Variants in PALM2AKAP2 observed in about 807,000 individuals in gnomAD.
PALM2AKAP2 encodes the protein PALM2 and AKAP2 fusion, also known as PALM2-AKAP2 fusion protein.
A neutral mutation model predicts 71.5 loss-of-function variants in PALM2AKAP2; 37 were observed. That is an observed-to-expected ratio of 0.52 (90% confidence interval 0.40 to 0.68). The LOEUF is 0.68. Ranked by LOEUF, PALM2AKAP2 falls within the 30% of genes least tolerant of loss-of-function variation. The pLI, the probability that PALM2AKAP2 is intolerant of heterozygous loss-of-function variation, is 0.00. For synonymous variants in PALM2AKAP2, 468 were observed against 478.8 expected, an observed-to-expected ratio of 0.98 and a Z score of 0.29; for missense variants, 1,224 against 1,191.8, an observed-to-expected ratio of 1.03 and a Z score of -0.40.
chr9:109,648,274 TA>T (rs1827179887), intron 1 of PALM2AKAP2, among the ~76,000 whole-genome samples: 1 of 152,210 alleles, frequency 6.6e-6, no homozygotes, highest in Non-Finnish European at 1.5e-5. Flanking sequence ...ATCTTTATAA[TA>T]GTGTGAAAAT....
chr9:109,929,780 C>T (rs1227741803), intron 5 of PALM2AKAP2, among the ~76,000 whole-genome samples: 1 of 143,904 alleles, frequency 6.9e-6, no homozygotes, highest in African/African-American at 2.6e-5. Flanking sequence ...AGGAGAATGG[C>T]GTGAACCTGG....
chr9:109,646,306 A>G (rs915417158), intron 1 of PALM2AKAP2, among the ~76,000 whole-genome samples: 1 of 152,214 alleles, frequency 6.6e-6, no homozygotes, highest in Admixed American at 6.5e-5. Flanking sequence ...TTGATGCCAC[A>G]CCTATAGATT....
intron 1 of PALM2AKAP2, among the ~76,000 whole-genome samples, chr9:109,738,194 T>C (rs527557045): frequency 6.6e-6 from 1 of 152,372 alleles, no homozygotes; most frequent in East Asian, 1.9e-4. Context: ...GAATTACTAT[T>C]CCTCTATTAA....
At chr9:109,644,320 ATC>A (rs1827116290) in intron 1 of PALM2AKAP2, among the ~76,000 whole-genome samples, 1 of 152,046 alleles carries the variant, frequency 6.6e-6, no homozygotes, top group African/African-American at 2.4e-5. Context: ...CCCAGATTTC[ATC>A]TCCGGTAGAA....
intron 1 of PALM2AKAP2, among the ~76,000 whole-genome samples, chr9:109,691,849 T>A: frequency 3.2e-5 from 1 of 31,596 alleles, no homozygotes; most frequent in Non-Finnish European, 7.0e-5. Context: ...TATATATATA[T>A]ATATATATAT....
chr9:109,691,867 T>TATATATAC (rs1320319516), intron 1 of PALM2AKAP2, among the ~76,000 whole-genome samples: 2 of 51,490 alleles, frequency 3.9e-5, no homozygotes, highest in Non-Finnish European at 3.4e-5. Context: ...TATATATATA[T>TATATATAC]ACACACACAC....
At chr9:110,162,784 C>G (rs1836634536) in intron 3 of PALM2AKAP2, among the ~76,000 whole-genome samples, 1 of 152,196 alleles carries the variant, frequency 6.6e-6, no homozygotes, top group Non-Finnish European at 1.5e-5. Context: ...CTCACTGTAG[C>G]CTTAACCTCC....
chr9:109,920,309 A>G (rs960938480), intron 3 of PALM2AKAP2, among the ~76,000 whole-genome samples: 1 of 152,174 alleles, frequency 6.6e-6, no homozygotes, highest in African/African-American at 2.4e-5. Context: ...GGCTTGGGGA[A>G]GCATGTACTC....
At chr9:109,766,443 T>C (rs1829156140) in intron 1 of PALM2AKAP2, among the ~76,000 whole-genome samples, 1 of 152,222 alleles carries the variant, frequency 6.6e-6, no homozygotes, top group Non-Finnish European at 1.5e-5. Flanking sequence ...CTATTAATTC[T>C]CAAAGGTTGG....
At chr9:109,802,866 G>C (rs965730924) in intron 1 of PALM2AKAP2, among the ~76,000 whole-genome samples, 14 of 152,084 alleles carry the variant, frequency 9.2e-5, no homozygotes, top group African/African-American at 3.4e-4. Context: ...CTGCCACATA[G>C]ATTGTTCATG....
intron 1 of PALM2AKAP2, among the ~76,000 whole-genome samples, chr9:110,105,645 G>C (rs1396165447): frequency 6.6e-5 from 10 of 152,136 alleles, no homozygotes; most frequent in Non-Finnish European, 1.5e-5. Flanking sequence ...CTGTTCATTG[G>C]TGCTTAACCC....
chr9:110,152,244 G>GAAA (rs11375924), intron 2 of PALM2AKAP2, among the ~76,000 whole-genome samples: 3 of 151,644 alleles, frequency 2.0e-5, no homozygotes, highest in Non-Finnish European at 2.9e-5. Flanking sequence ...AAAAATGAAA[G>GAAA]AAAAAAAAGT....
rs367771546 is a variant in PALM2AKAP2, at chr9:109,948,497, A to G, written c.496+16469A>G. The stretch of plus-strand genomic sequence containing the variant: ...CTGGACAGCCTTAACTTTTATAAAA[A>G]TAATTTTTCAATGTTCTCTTTTACT... On this transcript the variant is annotated intron_variant, in intron 6 of 9. Coordinates refer to the PALM2AKAP2 transcript ENST00000302798. Among the ~76,000 whole-genome samples, 10 of 152,356 alleles carry G rather than the reference A, an allele frequency of 6.6e-5. No individual in the cohort carries two copies. The East Asian group carries it at 1.9e-3, about 29-fold the overall frequency.
chr9:110,136,419 A>C, exon 2 of PALM2AKAP2: 2 of 1,614,218 alleles, frequency 1.2e-6, no homozygotes, highest in Non-Finnish European at 1.7e-6. Flanking sequence ...GAGGTGCTAG[A>C]GGCCAACTGC....
chr9:109,700,962 A>C (rs1828045601), intron 1 of PALM2AKAP2, among the ~76,000 whole-genome samples: 1 of 152,204 alleles, frequency 6.6e-6, no homozygotes, highest in Non-Finnish European at 1.5e-5. Context: ...AACAATAACA[A>C]AGTATGGGAT....
chr9:110,074,090 G>T (rs964031713), intron 1 of PALM2AKAP2, among the ~76,000 whole-genome samples: 33 of 152,168 alleles, frequency 2.2e-4, no homozygotes, highest in African/African-American at 7.5e-4. Flanking sequence ...TCGCTTCTGT[G>T]ATATTCCTGC....
At chr9:109,644,191 A>G (rs1564099584) in intron 1 of PALM2AKAP2, among the ~76,000 whole-genome samples, 1 of 152,186 alleles carries the variant, frequency 6.6e-6, no homozygotes, top group Non-Finnish European at 1.5e-5. Flanking sequence ...ATCACTTAAT[A>G]TAGTGAGCTT....
chr9:110,100,617 C>T (rs564875377), intron 1 of PALM2AKAP2, among the ~76,000 whole-genome samples: 1 of 152,270 alleles, frequency 6.6e-6, no homozygotes, highest in Admixed American at 6.5e-5. Context: ...GGCAGGAAAC[C>T]ATGTCACCTG....
intron 1 of PALM2AKAP2, among the ~76,000 whole-genome samples, chr9:109,717,684 T>C (rs947429568): frequency 6.6e-6 from 1 of 152,198 alleles, no homozygotes; most frequent in Non-Finnish European, 1.5e-5. Flanking sequence ...CTGGCTAGGC[T>C]CACAAGCCCA....
Sources: allele counts gnomAD v4.1 joint callset (sites outside exome capture counted in the v4.1 genomes callset), GRCh38; gene constraint gnomAD v4.1.1; transcripts MANE v1.5; gene names NCBI Gene and HGNC (gene_info 2026-07-23, HGNC 2026-07-21).